The following PCBP3 variants were observed in gnomAD, a reference collection of about 807,000 sequenced individuals.
PCBP3 encodes poly(rC) binding protein 3, also known as poly(rC)-binding protein 3.
In PCBP3, 25 loss-of-function variants were observed where a neutral mutation model predicts 52.7. The observed-to-expected ratio is 0.47, with a 90% CI of 0.35 to 0.66. PCBP3 has a LOEUF of 0.66. PCBP3 is among the 30% of genes least tolerant of loss of function. The probability of loss-of-function intolerance (pLI) is 0.01; values close to 1 mark genes in which losing one functional copy is unlikely to be tolerated. For missense variants in PCBP3, 391 were observed against 490.3 expected, an observed-to-expected ratio of 0.80 and a Z score of 1.91; for synonymous variants, 162 against 183.0, an observed-to-expected ratio of 0.89 and a Z score of 0.93.
chr21:45,837,522 G>A lies in PCBP3; in HGVS notation c.-125-12439G>A, dbSNP rs534747672. 4.6e-5 allele frequency among the ~76,000 whole-genome samples: 7 copies of A among 152,308 alleles called. No homozygotes were observed. The highest frequency in any genetic ancestry group is 2.1e-4 in the South Asian group (1 of 4,816). On this transcript the variant is annotated intron_variant, in intron 4 of 17. Coordinates refer to ENST00000681687, the MANE Select transcript of PCBP3 (RefSeq NM_001384156.1). This position sits in a 1 kb window ranked among gnomAD's most constrained non-coding sequence, Gnocchi z 4.1. ...TGCCTGTGGAAATTCTCCTGCGGGCGGTTTCATGTCGAAGGCCTACCTGTA... is the reference window on the plus strand; with the variant it reads ...TGCCTGTGGAAATTCTCCTGCGGGCAGTTTCATGTCGAAGGCCTACCTGTA...
chr21:45,929,404 C>G lies in PCBP3; in HGVS notation c.718-513C>G, dbSNP rs189955701. ...ACCCCAGGTCACCTCATGGGTAAAG[C>G]AAGGCCCTGCAGGGGAGGGGAGTGG... On this transcript the variant is annotated intron_variant, in intron 13 of 17. Coordinates refer to ENST00000681687, the MANE Select transcript of PCBP3 (RefSeq NM_001384156.1). Among the ~76,000 whole-genome samples, 375 of 152,328 alleles carry G rather than the reference C, an allele frequency of 2.5e-3. 4 individuals carry two copies. Among genetic ancestry groups the G allele is most frequent in the Admixed American group, 5.6e-3 (85 of 15,306 alleles).
chr21:45,743,691 G>T (rs773630289), intron 3 of PCBP3, among the ~76,000 whole-genome samples: 21 of 152,148 alleles, frequency 1.4e-4, no homozygotes, highest in Non-Finnish European at 2.8e-4. Flanking sequence ...TCGAGTTATT[G>T]TAAAGGTTAG....
chr21:45,759,018 G>A (rs1052198522), intron 4 of PCBP3, among the ~76,000 whole-genome samples: 5 of 152,094 alleles, frequency 3.3e-5, no homozygotes, highest in Non-Finnish European at 5.9e-5. Context: ...ATTGTTGAGC[G>A]AAGGTTTCCA....
At chr21:45,748,013 C>G (rs1260818914) in intron 3 of PCBP3, 2 of 152,388 alleles carry the variant, frequency 1.3e-5, no homozygotes, top group Admixed American at 6.5e-5. Flanking sequence ...GCCGTGCTGC[C>G]AGGCTGTCTG....
intron 2 of PCBP3, among the ~76,000 whole-genome samples, chr21:45,734,933 T>C (rs1045913123): frequency 3.3e-4 from 50 of 152,226 alleles, no homozygotes; most frequent in Admixed American, 3.2e-3. Flanking sequence ...CACCTGCTAA[T>C]TCAGTCTGCA....
chr21:45,899,467 T>C (rs907471163), intron 6 of PCBP3, 132 bp from the exon 7 acceptor site: 3 of 673,958 alleles, frequency 4.5e-6, no homozygotes, highest in Admixed American at 2.3e-5. Context: ...TTCTCCCTTC[T>C]TCATGCACAC....
At chr21:45,818,258 T>A (rs2093027033) in intron 4 of PCBP3, among the ~76,000 whole-genome samples, 1 of 152,098 alleles carries the variant, frequency 6.6e-6, no homozygotes. Flanking sequence ...CCTGACCTCA[T>A]GATCTGCCCG....
intron 2 of PCBP3, among the ~76,000 whole-genome samples, chr21:45,713,335 T>C (rs1452372813): frequency 6.6e-6 from 1 of 152,166 alleles, no homozygotes; most frequent in Admixed American, 6.5e-5. Context: ...TTCTCCCTTT[T>C]AGTTGGTTTA....
chr21:45,938,734 G>A (rs2077142216), intron 16 of PCBP3, among the ~76,000 whole-genome samples: 1 of 152,184 alleles, frequency 6.6e-6, no homozygotes, highest in African/African-American at 2.4e-5. Context: ...CCAGAGTGGG[G>A]GTCTCTGTGG....
At chr21:45,759,019 A>G (rs1420197233) in intron 4 of PCBP3, among the ~76,000 whole-genome samples, 1 of 152,184 alleles carries the variant, frequency 6.6e-6, no homozygotes, top group Admixed American at 6.5e-5. Flanking sequence ...TTGTTGAGCG[A>G]AGGTTTCCAA....
intron 17 of PCBP3, among the ~76,000 whole-genome samples, chr21:45,940,930 G>A (rs1426903635): frequency 6.6e-6 from 1 of 152,180 alleles, no homozygotes; most frequent in African/African-American, 2.4e-5. Context: ...GGGACGGGAC[G>A]GGATGGGACT....
At chr21:45,722,804 C>T (rs1298247363) in intron 2 of PCBP3, among the ~76,000 whole-genome samples, 1 of 151,718 alleles carries the variant, frequency 6.6e-6, no homozygotes, top group East Asian at 1.9e-4. Context: ...AGATTGAGAC[C>T]ATCCTGGCTA....
intron 4 of PCBP3, among the ~76,000 whole-genome samples, chr21:45,808,040 A>G (rs2092565066): frequency 6.6e-6 from 1 of 152,238 alleles, no homozygotes; most frequent in South Asian, 2.1e-4. Flanking sequence ...TTATACAAAA[A>G]TTAACTCAAG....
chr21:45,664,583 CAA>C (rs957792151), intron 1 of PCBP3, among the ~76,000 whole-genome samples: 1 of 150,968 alleles, frequency 6.6e-6, no homozygotes, highest in East Asian at 2.0e-4. Flanking sequence ...CTTTCAGAGA[CAA>C]AGAGCTTTTA....
rs1603462182 is a variant in PCBP3, at chr21:45,876,938, G to A, written c.11-19270G>A. 3.3e-5 allele frequency among the ~76,000 whole-genome samples: 5 copies of A among 152,222 alleles called. No individual in the cohort carries two copies. In the South Asian group the frequency reaches 1.0e-3, roughly 31 times the overall value. ...GCGCTTTGCTGGCAAGGCTTCTCCC[G>A]CCTTCTCGGGGCAAGCAGTGGCACA... is the stretch of plus-strand genomic sequence containing the variant. On this transcript the variant is annotated intron_variant, in intron 5 of 17. Coordinates refer to ENST00000681687, the MANE Select transcript of PCBP3 (RefSeq NM_001384156.1).
chr21:45,901,290 C>T (rs564981146), intron 9 of PCBP3, 177 bp downstream of exon 9: 1 of 589,196 alleles, frequency 1.7e-6, no homozygotes, highest in South Asian at 1.9e-5. Context: ...CTGGTTCACC[C>T]AGTCAGGGGC....
chr21:45,738,519 G>C (rs892203231), intron 3 of PCBP3, among the ~76,000 whole-genome samples: 4 of 152,214 alleles, frequency 2.6e-5, no homozygotes, highest in Non-Finnish European at 5.9e-5. Context: ...CTCCCAAAGT[G>C]CTGGGATTCC....
intron 10 of PCBP3, 132 bp from the exon 11 acceptor site, chr21:45,910,770 G>A: frequency 1.2e-6 from 1 of 802,348 alleles, no homozygotes; most frequent in Non-Finnish European, 1.9e-6. Flanking sequence ...CGGTGGGGGA[G>A]GGGGCGCGTG....
chr21:45,667,784 A>G (rs970262967), intron 1 of PCBP3, among the ~76,000 whole-genome samples: 5 of 152,144 alleles, frequency 3.3e-5, no homozygotes, highest in African/African-American at 1.2e-4. Flanking sequence ...ATAATGTGGC[A>G]ACTCTGGAAA....
Sources: gnomAD v4.1 joint callset for allele counts (sites outside exome capture counted in the v4.1 genomes callset) on GRCh38, gnomAD v4.1.1 for gene constraint, Gnocchi (gnomAD v3.1) non-coding constraint, MANE v1.5 for transcripts, NCBI Gene and HGNC (gene_info 2026-07-23, HGNC 2026-07-21) for gene names.